Variants in CEACAM18 observed in about 807,000 individuals in gnomAD.
The protein encoded by CEACAM18 is cell adhesion molecule CEACAM18.
A neutral mutation model predicts 34.3 loss-of-function variants in CEACAM18; 33 were observed. That is an observed-to-expected ratio of 0.96 (90% confidence interval 0.73 to 1.29). The LOEUF is 1.29. Among genes scored for constraint, CEACAM18 ranks in the 50% most tolerant of loss-of-function variants. CEACAM18 has a pLI of 0.00. For missense variants in CEACAM18, 474 were observed against 485.0 expected (o/e 0.98, Z 0.21); for synonymous variants, 169 against 180.9 (o/e 0.93, Z 0.53).
At chr19:51,484,247 C>T (rs1421502585) in intron 4 of CEACAM18, among the ~76,000 whole-genome samples, 1 of 152,144 alleles carries the variant, frequency 6.6e-6, no homozygotes, top group Non-Finnish European at 1.5e-5. Context: ...GCATGCAGCC[C>T]TCCAAGTCAT....
intron 1 of CEACAM18, among the ~76,000 whole-genome samples, chr19:51,479,780 T>C (rs8101768): frequency 0.29 from 43,594 of 152,078 alleles, 6,689 homozygotes; most frequent in Middle Eastern, 0.46. Context: ...TAGGAGAAGG[T>C]GTGGTGCACC....
intron 1 of CEACAM18, among the ~76,000 whole-genome samples, chr19:51,478,936 A>G (rs1599940955): frequency 1.4e-5 from 2 of 145,830 alleles, no homozygotes; most frequent in South Asian, 4.4e-4. Context: ...GGTGTTACAC[A>G]CACACGCACA....
chr19:51,482,718 T>A (rs1989937042), intron 3 of CEACAM18, among the ~76,000 whole-genome samples: 1 of 152,242 alleles, frequency 6.6e-6, no homozygotes, highest in Admixed American at 6.5e-5. Context: ...TCAACAAATG[T>A]GGGGACAGGC....
chr19:51,487,941 G>T (rs1990032393), intron 5 of CEACAM18, among the ~76,000 whole-genome samples: 1 of 152,188 alleles, frequency 6.6e-6, no homozygotes, highest in Non-Finnish European at 1.5e-5. Context: ...CTATGAGATT[G>T]GACGGTGCCA....
At chr19:51,481,699 G>C in intron 3 of CEACAM18, 34 bp downstream of exon 3, 1 of 1,591,118 alleles carries the variant, frequency 6.3e-7, no homozygotes, top group Non-Finnish European at 8.6e-7. Context: ...CTGAAGCCAG[G>C]GCTGGTCTCA....
In CEACAM18 at chr19:51,478,652, TC is replaced by T; in HGVS notation, c.12del (p.Arg5AspfsTer68). 1 of 1,530,794 alleles carries T rather than the reference TC, an allele frequency of 6.5e-7. No homozygotes were observed. Among genetic ancestry groups the T allele is most frequent in the Non-Finnish European group, 8.8e-7 (1 of 1,138,148 alleles). The allele number at this position is 1,530,794 out of a possible 1,614,324, so 94.8% of individuals were successfully genotyped here. On this transcript the variant is annotated frameshift_variant, in exon 1 of 6. Coordinates refer to ENST00000396477, the Ensembl canonical transcript of CEACAM18. LOFTEE classifies it high-confidence loss of function. ...GGACCCCAGGCAGCTCATGGACCTT[TC>T]CAGACCCAGATGGAGCCTGTGGAGG...
chr19:51,487,335 A>G (rs1430060368), intron 5 of CEACAM18, among the ~76,000 whole-genome samples: 1 of 151,812 alleles, frequency 6.6e-6, no homozygotes, highest in Non-Finnish European at 1.5e-5. Context: ...GTTAGCCTGG[A>G]GTGGTGGAGT....
intron 4 of CEACAM18, 106 bp from the exon 5 acceptor site, chr19:51,484,881 A>T (rs1989974638): frequency 7.4e-7 from 1 of 1,351,328 alleles, no homozygotes; most frequent in South Asian, 1.3e-5. Flanking sequence ...CTGATAATAG[A>T]TGTTGACAAA....
chr19:51,487,211 ATGC>A (rs1404066351), intron 5 of CEACAM18, among the ~76,000 whole-genome samples: 1 of 152,198 alleles, frequency 6.6e-6, no homozygotes, highest in Admixed American at 6.5e-5. Context: ...ATGGTAGCTC[ATGC>A]CTGTAATCCC....
At chr19:51,479,691 A>T (rs1039739035) in intron 1 of CEACAM18, among the ~76,000 whole-genome samples, 5 of 152,194 alleles carry the variant, frequency 3.3e-5, no homozygotes, top group Admixed American at 2.6e-4. Flanking sequence ...GAAGTGAGTC[A>T]GCAAGGAGGG....
intron 1 of CEACAM18, among the ~76,000 whole-genome samples, chr19:51,480,098 G>C (rs192196148): frequency 3.6e-4 from 55 of 152,278 alleles, no homozygotes; most frequent in Admixed American, 3.2e-3. Context: ...ATTGGAGGCT[G>C]TGTGGCTAGC....
intron 4 of CEACAM18, 49 bp from the exon 5 acceptor site, chr19:51,484,938 A>G: frequency 6.5e-7 from 1 of 1,535,292 alleles, no homozygotes; most frequent in Non-Finnish European, 8.7e-7. Flanking sequence ...GAGTGAATGC[A>G]TGAATGGGTC....
chr19:51,480,466 C>T (rs1989891442), exon 2 of CEACAM18: 1 of 1,613,692 alleles, frequency 6.2e-7, no homozygotes, highest in Admixed American at 1.7e-5. Flanking sequence ...ACAGCTGGTA[C>T]TGGGGTGCAA....
intron 5 of CEACAM18, among the ~76,000 whole-genome samples, chr19:51,486,631 C>G (rs1990005652): frequency 6.6e-6 from 1 of 152,136 alleles, no homozygotes; most frequent in Non-Finnish European, 1.5e-5. Flanking sequence ...TCCTCAAGGA[C>G]TCTCACATAT....
chr19:51,490,521 A>G, intron 5 of CEACAM18, 66 bp from the exon 6 acceptor site: 5 of 1,220,834 alleles, frequency 4.1e-6, no homozygotes, highest in Non-Finnish European at 5.1e-6. Context: ...ACCTCTCTCT[A>G]TCCAGGACTC....
exon 1 of CEACAM18, chr19:51,478,628 G>C: frequency 6.4e-7 from 1 of 1,572,988 alleles, no homozygotes; most frequent in Non-Finnish European, 8.6e-7. Flanking sequence ...CCTCCTGGAG[G>C]ACCCCAGGCA....
intron 4 of CEACAM18, 103 bp from the exon 5 acceptor site, chr19:51,484,884 T>C (rs1359966838): frequency 1.4e-5 from 19 of 1,393,854 alleles, no homozygotes; most frequent in Non-Finnish European, 1.7e-5. Flanking sequence ...ATAATAGATG[T>C]TGACAAATCT....
intron 3 of CEACAM18, 133 bp downstream of exon 3, chr19:51,481,798 T>C (rs1354908518): frequency 2.2e-6 from 2 of 922,558 alleles, no homozygotes; most frequent in Non-Finnish European, 1.6e-6. Flanking sequence ...TCACTCTGGA[T>C]TGGAATCAGC....
Position 51,481,726 on chromosome 19 carries a change from G to C in CEACAM18, c.673+61G>C, listed in dbSNP as rs1989919916. ...CTGGTCTCAGGGCTTTCTAGGGATA[G>C]GAATATGTTAGGACAGGCTGAGCTG... On this transcript the variant is annotated intron_variant, in intron 3 of 5. Transcript: ENST00000396477. 2.6e-6 allele frequency: 4 copies of C among 1,536,216 alleles called. No homozygotes were observed. In the South Asian group the frequency reaches 5.0e-5, roughly 19 times the overall value.
Sources: allele counts gnomAD v4.1 joint callset (sites outside exome capture counted in the v4.1 genomes callset), GRCh38; gene constraint gnomAD v4.1.1; transcripts MANE v1.5; gene names NCBI Gene and HGNC (gene_info 2026-07-23, HGNC 2026-07-21).